RBBP8: variants seen among roughly 807,000 people sequenced by gnomAD.
The protein encoded by RBBP8 is DNA endonuclease RBBP8.
In RBBP8, 88 loss-of-function variants were observed where a neutral mutation model predicts 108.3. The observed-to-expected ratio is 0.81, with a 90% CI of 0.68 to 0.97. RBBP8 has a LOEUF of 0.97. Among genes scored for constraint, RBBP8 ranks in the 50% least tolerant of loss-of-function variants. The pLI is 0.00. For missense variants in RBBP8, 1,023 were observed against 1,049.0 expected, an observed-to-expected ratio of 0.98 and a Z score of 0.34; for synonymous variants, 332 against 348.2, an observed-to-expected ratio of 0.95 and a Z score of 0.52.
chr18:22,914,340 T>A (rs993677163), intron 1 of RBBP8: 1 of 152,234 alleles, frequency 6.6e-6, no homozygotes, highest in Admixed American at 6.5e-5. Context: ...CAGTTTCCTA[T>A]GCATTTTGGA....
chr18:22,999,384 C>G (rs932025035), intron 14 of RBBP8, among the ~76,000 whole-genome samples: 2 of 152,146 alleles, frequency 1.3e-5, no homozygotes, highest in Admixed American at 6.5e-5. Flanking sequence ...TTGGCATCTC[C>G]TCATTTACTC....
rs372071581 is a variant in RBBP8 at position 22,949,685 on chromosome 18, C to T, written c.220C>T (p.His74Tyr). 5.0e-6 allele frequency: 8 copies of T among 1,613,064 alleles called. No individual in the cohort carries two copies. Among genetic ancestry groups the T allele is most frequent in the African/African-American group, 1.3e-5 (1 of 75,024 alleles). Residue 74 changes from histidine to tyrosine, a missense_variant, in exon 4 of 19, where the codon CAT becomes TAT. His to Tyr is a moderately conservative substitution (Grantham distance 83). Transcript: ENST00000327155. Reference protein sequence around the residue: ...QQLREQQKVLHETIKVLEDRL... With the variant: ...QQLREQQKVLYETIKVLEDRL... ...GCTGAGGGAACAGCAGAAAGTCCTT[C>T]ATGAAACCATTAAAGTTTTAGAAGA...
At chr18:22,921,992 T>G (rs778358697) in intron 3 of RBBP8, among the ~76,000 whole-genome samples, 2 of 152,162 alleles carry the variant, frequency 1.3e-5, no homozygotes, top group Non-Finnish European at 2.9e-5. Context: ...CAATTTTGAA[T>G]AGTACAAGTT....
chr18:22,997,876 G>A, intron 14 of RBBP8, 142 bp downstream of exon 14: 1 of 685,064 alleles, frequency 1.5e-6, no homozygotes, highest in African/African-American at 1.8e-5. Context: ...GTTCCTCTTA[G>A]GAAAGCTCAG....
rs113354730 is a variant in RBBP8 at position 22,937,044 on chromosome 18, A to G, written c.109+84A>G. The G allele has an allele frequency of 3.3e-5, 52 of 1,576,696 alleles. 1 individual carries two copies. The highest frequency in any genetic ancestry group is 2.6e-4 in the African/African-American group (19 of 73,746). ...ATACCTTTGTATGACAGTCCTGTTT[A>G]TTATTTCTATTTCAGCTTTTAGGTT... On this transcript the variant is annotated intron_variant, in intron 2 of 18. Transcript: ENST00000327155.
intron 8 of RBBP8, among the ~76,000 whole-genome samples, chr18:22,985,506 A>G (rs1380804543): frequency 6.6e-6 from 1 of 152,156 alleles, no homozygotes; most frequent in Non-Finnish European, 1.5e-5. Flanking sequence ...GCAAGCCCGG[A>G]GGCTTTGCAG....
chr18:22,958,964 A>G (rs1215835939), intron 4 of RBBP8, among the ~76,000 whole-genome samples: 1 of 152,228 alleles, frequency 6.6e-6, no homozygotes. Context: ...AGATCCCTGC[A>G]TTAATTCAGT....
At chr18:22,954,870 C>T (rs1318194009) in intron 4 of RBBP8, among the ~76,000 whole-genome samples, 1 of 152,100 alleles carries the variant, frequency 6.6e-6, no homozygotes, top group Non-Finnish European at 1.5e-5. Context: ...CATCAGATCT[C>T]GTTAGAACTC....
At chr18:22,964,377 T>C (rs1567964299) in intron 4 of RBBP8, among the ~76,000 whole-genome samples, 1 of 151,138 alleles carries the variant, frequency 6.6e-6, no homozygotes, top group Admixed American at 6.6e-5. Context: ...ACTTAGGTTT[T>C]TTTTTTTTTT....
intron 17 of RBBP8, among the ~76,000 whole-genome samples, chr18:23,020,702 A>G (rs537133142): frequency 2.0e-5 from 3 of 152,166 alleles, no homozygotes; most frequent in Non-Finnish European, 2.9e-5. Flanking sequence ...CTTATCAAGG[A>G]CAACAAACTC....
chr18:23,016,214 T>C (rs1259146684), intron 16 of RBBP8, among the ~76,000 whole-genome samples: 1 of 152,222 alleles, frequency 6.6e-6, no homozygotes, highest in African/African-American at 2.4e-5. Context: ...GGTATGACTT[T>C]ACTGGTTTCA....
chr18:22,984,759 G>A, intron 7 of RBBP8, 127 bp from the exon 8 acceptor site: 1 of 562,830 alleles, frequency 1.8e-6, no homozygotes, highest in South Asian at 2.3e-5. Flanking sequence ...CAATAAAACA[G>A]TACTTATATT....
At chr18:22,972,564 C>A (rs907990062) in intron 5 of RBBP8, among the ~76,000 whole-genome samples, 1 of 151,760 alleles carries the variant, frequency 6.6e-6, no homozygotes, top group African/African-American at 2.4e-5. Context: ...TAGGCACGTG[C>A]GACCACGCCC....
At chr18:22,923,314 G>A (rs781032777) in intron 3 of RBBP8, among the ~76,000 whole-genome samples, 1 of 152,186 alleles carries the variant, frequency 6.6e-6, no homozygotes, top group Non-Finnish European at 1.5e-5. Flanking sequence ...ATTAGATGGT[G>A]CAGCTGATGC....
intron 2 of RBBP8, among the ~76,000 whole-genome samples, chr18:22,945,481 G>A (rs1473127037): frequency 2.0e-5 from 3 of 151,818 alleles, no homozygotes; most frequent in Non-Finnish European, 2.9e-5. Flanking sequence ...TCTGCCTCCC[G>A]GGTTCAAGCG....
intron 12 of RBBP8, 37 bp from the exon 13 acceptor site, chr18:22,996,337 C>T: frequency 6.2e-7 from 1 of 1,610,118 alleles, no homozygotes. Flanking sequence ...TTTTTGAAAT[C>T]AGTTTTTTAA....
In RBBP8 at chr18:22,993,143, C is replaced by T. The variant is rs773600064; in HGVS notation, c.1316C>T (p.Ser439Leu). ...NTDKHLEPLK[S>L]LGGRTSKRKK... ...GATAAACATTTGGAGCCCCTGAAAT[C>T]ATTGGGAGGCCGAACATCCAAAAGG... The change falls in exon 11 of 19, where the codon TCA becomes TTA. Residue 439 changes from serine (S) to leucine (L), a missense_variant. Ser to Leu is a moderately radical substitution (Grantham distance 145). Transcript: ENST00000327155. The T allele has an allele frequency of 2.5e-6, 4 of 1,613,866 alleles. No individual in the cohort carries two copies. In the African/African-American group the frequency reaches 5.3e-5, roughly 22 times the overall value.
At position 22,990,874 on chromosome 18, in the gene RBBP8, C is replaced by T. The variant is rs944535595; in HGVS notation, c.808-63C>T. 8.8e-6 allele frequency: 11 copies of T among 1,249,410 alleles called. No homozygotes were observed. In the African/African-American group the frequency reaches 1.5e-4, roughly 17 times the overall value. 77.4% of individuals were successfully genotyped at this position (1,249,410 alleles called of 1,614,324 possible). Reference sequence around the variant, plus strand: ...TACATCATAACATATATCAGTACTTCATCCCTTTTTAAGAATGAACAAATC... The same window carrying T: ...TACATCATAACATATATCAGTACTTTATCCCTTTTTAAGAATGAACAAATC... On this transcript the variant is annotated intron_variant, in intron 9 of 18. Coordinates refer to ENST00000327155, the MANE Select transcript of RBBP8 (RefSeq NM_002894.3).
chr18:22,993,527 G>C lies in RBBP8; in HGVS notation c.1700G>C (p.Cys567Ser), dbSNP rs764998953. 1.1e-5 allele frequency: 17 copies of C among 1,613,234 alleles called. No individual in the cohort carries two copies. Among genetic ancestry groups the C allele is most frequent in the Non-Finnish European group, 1.4e-5 (17 of 1,179,832 alleles). ...ECIILQPLNK[C>S]SPDNKPSLQI... is the part of the protein sequence containing the mutation. ...ATCATCCTTCAGCCCTTGAATAAAT[G>C]CTCTCCAGACAATAAACCATCATTA... The change falls in exon 11 of 19, where the codon TGC becomes TCC. Residue 567 changes from cysteine (C) to serine (S), a missense_variant. Physicochemically the swap from Cys to Ser is moderately radical, Grantham distance 112. Transcript: ENST00000327155.
Sources: gnomAD v4.1 joint callset for allele counts (sites outside exome capture counted in the v4.1 genomes callset) on GRCh38, gnomAD v4.1.1 for gene constraint, MANE v1.5 for transcripts, NCBI Gene and HGNC (gene_info 2026-07-23, HGNC 2026-07-21) for gene names.